The following EVC variants were observed in gnomAD, a reference collection of about 807,000 sequenced individuals.
EVC encodes evC complex member EVC.
EVC carries 116 observed loss-of-function variants against 118.9 expected under a neutral mutation model. The observed-to-expected ratio is 0.98, with a 90% CI of 0.84 to 1.14. The LOEUF (loss-of-function observed/expected upper bound fraction) is 1.14. Ranked by LOEUF, EVC falls within the 50% of genes most tolerant of loss-of-function variation. The probability of loss-of-function intolerance (pLI) is 0.00; values close to 1 mark genes in which losing one functional copy is unlikely to be tolerated. For synonymous variants in EVC, 619 were observed against 534.7 expected, an observed-to-expected ratio of 1.16 and a Z score of -2.18; for missense variants, 1,401 against 1,246.4, an observed-to-expected ratio of 1.12 and a Z score of -1.87.
the EVC span, among the ~76,000 whole-genome samples, chr4:5,827,433 G>A: frequency 6.6e-6 from 1 of 152,190 alleles, no homozygotes; most frequent in African/African-American, 2.4e-5. Context: ...ACACCTTATG[G>A]AAGCTGGGGA....
At position 5,810,175 on chromosome 4, in the gene EVC, A is replaced by T. The variant is rs180998879; in HGVS notation, c.2783-164A>T. 2.0e-5 allele frequency among the ~76,000 whole-genome samples: 3 copies of T among 152,322 alleles called. No homozygotes were observed. The East Asian group carries it at 5.8e-4, about 29-fold the overall frequency. ...AGAGTACGTCACCTTCCCAGGCCTC[A>T]GTTTCCTCATTAGTTGAGTGGCTGC... On this transcript the variant is annotated intron_variant, in intron 19 of 20. Transcript: ENST00000264956.
At chr4:5,796,999 C>G in intron 13 of EVC, 23 bp from the exon 14 acceptor site, 1 of 1,574,034 alleles carries the variant, frequency 6.4e-7, no homozygotes, top group Non-Finnish European at 8.7e-7. Flanking sequence ...ATTGACCCCA[C>G]CCCTCACCTG....
chr4:5,733,514 C>T, intron 5 of EVC, 79 bp downstream of exon 5: 6 of 1,229,238 alleles, frequency 4.9e-6, no homozygotes, highest in Non-Finnish European at 2.4e-6. Flanking sequence ...CAGTGAGTCC[C>T]AGAGACCCTT....
Position 5,753,028 on chromosome 4 carries a change from C to T in EVC, c.1291C>T (p.Gln431Ter). 1 of 1,607,036 alleles carries T rather than the reference C, an allele frequency of 6.2e-7. No homozygotes were observed. The highest frequency in any genetic ancestry group is 1.1e-5 in the South Asian group (1 of 90,292). Residue 431 changes from glutamine (Q) to a stop codon, truncating the protein, a stop_gained, in exon 9 of 21, where the codon CAG becomes TAG. Transcript: ENST00000264956. LOFTEE classifies it high-confidence loss of function. ...CACGCAGCAGCACAAGGCCTTCTGG[C>T]AGGAGGCAGAGCGCTTCAGCCGGGG... ...LLTQQHKAFW[Q>*]EAERFSREFV...
intron 3 of EVC, 22 bp downstream of exon 3, chr4:5,729,412 A>G (rs774065578): frequency 1.2e-6 from 2 of 1,608,956 alleles, no homozygotes; most frequent in Admixed American, 1.7e-5. Flanking sequence ...GAGCTCCATC[A>G]TAGAAAGCCA....
Position 5,804,788 on chromosome 4 carries a change from G to C in EVC, c.2508G>C (p.Ser836=). The C allele has an allele frequency of 6.2e-7, 1 of 1,614,096 alleles. No homozygotes were observed. The highest frequency in any genetic ancestry group is 1.3e-5 in the African/African-American group (1 of 75,016). ...AGCAAGAACTCAGCAACCCTTCGTC[G>C]GGCAGCAGGACGGCAGGTGGCGCTC... ...RKKQELSNPS[S]GSRTAGGAHE... The change falls in exon 17 of 21, where the codon TCG becomes TCC. Residue 836 remains serine, a synonymous_variant. Transcript: ENST00000264956.
In EVC at chr4:5,741,755, CT is replaced by C. The variant is rs1480163356; in HGVS notation, c.744del (p.Pro249LeufsTer24). On this transcript the variant is annotated frameshift_variant, in exon 6 of 21. Transcript: ENST00000264956. LOFTEE classifies it high-confidence loss of function. ...TTTTAAAATGTGCCTCCTTGACCTT[CT>C]TCCTAAAAAGAAGTCAGATGATGAA... is the stretch of plus-strand genomic sequence containing the variant. ...QIFKMCLLDL[L>X]PKKKSDDELY... 1.9e-6 allele frequency: 3 copies of C among 1,574,774 alleles called. No homozygotes were observed. The highest frequency in any genetic ancestry group is 2.6e-6 in the Non-Finnish European group (3 of 1,146,044).
intron 14 of EVC, among the ~76,000 whole-genome samples, chr4:5,797,819 A>G (rs1353465828): frequency 6.6e-6 from 1 of 152,244 alleles, no homozygotes; most frequent in African/African-American, 2.4e-5. Flanking sequence ...GAAAAACCAT[A>G]CGGAATCAGA....
At chr4:5,801,721 T>C (rs1039325180) in intron 15 of EVC, 1 of 516,670 alleles carries the variant, frequency 1.9e-6, no homozygotes. Context: ...TAGCCGACTT[T>C]CCCTAACATC....
chr4:5,782,698 GA>G (rs1280912878), intron 11 of EVC, among the ~76,000 whole-genome samples: 5 of 152,052 alleles, frequency 3.3e-5, no homozygotes, highest in African/African-American at 9.7e-5. Context: ...CAAGAGGCAG[GA>G]CAGCCGGAGC....
intron 11 of EVC, chr4:5,758,301 G>A: frequency 1.8e-6 from 1 of 564,384 alleles, no homozygotes; most frequent in Admixed American, 3.2e-5. Flanking sequence ...AAACTTCGTT[G>A]TCTTAATGCA....
chr4:5,782,068 T>C (rs1484426211), intron 11 of EVC, among the ~76,000 whole-genome samples: 6 of 152,020 alleles, frequency 3.9e-5, no homozygotes, highest in African/African-American at 1.2e-4. Context: ...TTCCATGTTT[T>C]TTGTTTTTGT....
downstream of EVC, among the ~76,000 whole-genome samples, chr4:5,816,693 TTCTCCCCTC>T (rs1560461930): frequency 4.3e-5 from 5 of 116,040 alleles, no homozygotes; most frequent in South Asian, 1.7e-3. Context: ...CTCCCTTCCC[TTCTCCCCTC>T]TCTCCCCTCC....
chr4:5,748,428 G>GA (rs201170910), intron 8 of EVC, 122 bp downstream of exon 8: 438 of 1,047,634 alleles, frequency 4.2e-4, no homozygotes, highest in Non-Finnish European at 5.0e-4. Flanking sequence ...GAGCCTCAGG[G>GA]AAAAAAAAAC....
chr4:5,807,360 G>A (rs1716084638), intron 17 of EVC, among the ~76,000 whole-genome samples: 1 of 152,224 alleles, frequency 6.6e-6, no homozygotes, highest in Non-Finnish European at 1.5e-5. Flanking sequence ...CTGGCGGACA[G>A]AAGAGTGTGA....
chr4:5,810,298 A>G (rs765207780), intron 19 of EVC, 41 bp from the exon 20 acceptor site: 2 of 1,527,774 alleles, frequency 1.3e-6, no homozygotes, highest in East Asian at 4.5e-5. Flanking sequence ...TCACTTGTCT[A>G]AAGTCACAGA....
At position 5,798,601 on chromosome 4, in the gene EVC, G is replaced by T; in HGVS notation, c.2113G>T (p.Glu705Ter). 1 of 1,571,592 alleles carries T rather than the reference G, an allele frequency of 6.4e-7. No individual in the cohort carries two copies. The highest frequency in any genetic ancestry group is 8.6e-7 in the Non-Finnish European group (1 of 1,159,594). The stretch of plus-strand genomic sequence containing the variant: ...TCCCTCCCAGGAGGCGCGTGTGCTG[G>T]AGGAGGCCAGCCGGCTAGAGGAGGA... ...LLRALEARVL[E>*]EASRLEEEAQ... The change falls in exon 15 of 21, where the codon GAG (glutamate) becomes TAG (stop). Residue 705 changes from glutamate (E) to a stop codon, truncating the protein, a stop_gained. Coordinates refer to ENST00000264956, the MANE Select transcript of EVC (RefSeq NM_153717.3). LOFTEE classifies it high-confidence loss of function. The surrounding 1 kb of genome is among the most constrained non-coding windows in gnomAD (Gnocchi z 4.1).
intron 2 of EVC, among the ~76,000 whole-genome samples, chr4:5,724,133 A>G (rs79307543): frequency 0.033 from 4,969 of 152,314 alleles, 247 homozygotes; most frequent in African/African-American, 0.11. Flanking sequence ...CACCTCCCCA[A>G]GCTGACAGAT....
intron 11 of EVC, among the ~76,000 whole-genome samples, chr4:5,771,790 A>G (rs1734003167): frequency 6.6e-6 from 1 of 152,188 alleles, no homozygotes; most frequent in Admixed American, 6.5e-5. Context: ...TTAAAGGGTT[A>G]TACACCATGA....
Sources: allele counts gnomAD v4.1 joint callset (sites outside exome capture counted in the v4.1 genomes callset), GRCh38; gene constraint gnomAD v4.1.1; non-coding constraint Gnocchi (gnomAD v3.1); transcripts MANE v1.5; gene names NCBI Gene and HGNC (gene_info 2026-07-23, HGNC 2026-07-21).